The following EPS8L1 variants were observed in gnomAD, a reference collection of about 807,000 sequenced individuals.
EPS8L1 encodes the protein EPS8 signaling adaptor L1, also known as epidermal growth factor receptor kinase substrate 8-like protein 1.
EPS8L1 carries 101 observed loss-of-function variants against 91.7 expected under a neutral mutation model. The observed-to-expected ratio is 1.10, with a 90% CI of 0.94 to 1.30. The LOEUF (loss-of-function observed/expected upper bound fraction) is 1.30. EPS8L1 is among the 50% of genes most tolerant of loss of function. The pLI is 0.00. For missense variants in EPS8L1, 1,114 were observed against 1,017.0 expected, an observed-to-expected ratio of 1.10 and a Z score of -1.30; for synonymous variants, 506 against 445.3, an observed-to-expected ratio of 1.14 and a Z score of -1.72.
chr19:55,079,646 G>A (rs748960912), intron 4 of EPS8L1, 44 bp from the exon 5 acceptor site: 3 of 1,590,500 alleles, frequency 1.9e-6, no homozygotes, highest in Non-Finnish European at 2.6e-6. Context: ...GAGCCCACCT[G>A]GCATCATCTT....
Position 55,083,942 on chromosome 19 carries a change from A to G in EPS8L1, c.1385+298A>G. On this transcript the variant is annotated intron_variant, in intron 14 of 19. Transcript: ENST00000201647. The surrounding 1 kb of genome is among the most constrained non-coding windows in gnomAD (Gnocchi z 4.7). The stretch of plus-strand genomic sequence containing the variant: ...AAAGTCTGAGAGGTTGGATCCCTGG[A>G]TCCCCAAAAGGCTGGAAGAAGCCAG... The G allele has an allele frequency of 1.7e-6, 1 of 599,832 alleles. No homozygotes were observed. Among genetic ancestry groups the G allele is most frequent in the South Asian group, 2.0e-5 (1 of 50,564 alleles). 37.2% of individuals were successfully genotyped at this position (599,832 alleles called of 1,614,324 possible). A position where few individuals can be genotyped will look rare whatever the true frequency, so the allele number is the denominator to read the frequency against.
chr19:55,087,087 T>A, intron 18 of EPS8L1, 199 bp downstream of exon 18: 1 of 1,052,064 alleles, frequency 9.5e-7, no homozygotes, highest in East Asian at 2.7e-5. Context: ...ACTGGATTCC[T>A]TAGGGAAATC....
At chr19:55,080,691 C>A in intron 6 of EPS8L1, 81 bp from the exon 7 acceptor site, 1 of 1,572,780 alleles carries the variant, frequency 6.4e-7, no homozygotes, top group Admixed American at 1.9e-5. Context: ...TGGGACTGAG[C>A]TGAAAAATCG....
intron 12 of EPS8L1, among the ~76,000 whole-genome samples, chr19:55,082,856 T>C (rs1376555951): frequency 1.3e-4 from 13 of 101,608 alleles, no homozygotes; most frequent in Non-Finnish European, 2.2e-4. Flanking sequence ...CTTAAAGGAA[T>C]AGAGGGGCTA....
Position 55,081,817 on chromosome 19 carries a change from G to T in EPS8L1, c.819G>T (p.Ser273=). ...HVFDDVESFV[S]RLQKSAEAAR... ...TCGACGACGTAGAGAGCTTTGTATC[G>T]AGGCTGCAGAAGTCGGCGGAGGCGG... The change falls in exon 9 of 20, where the codon TCG becomes TCT. Residue 273 remains serine, a synonymous_variant. Coordinates refer to ENST00000201647, the MANE Select transcript of EPS8L1 (RefSeq NM_133180.3). The surrounding 1 kb of genome is among the most constrained non-coding windows in gnomAD (Gnocchi z 4.9). 2 of 1,612,784 alleles carry T rather than the reference G, an allele frequency of 1.2e-6. No individual in the cohort carries two copies. Among genetic ancestry groups the T allele is most frequent in the Non-Finnish European group, 1.7e-6 (2 of 1,179,098 alleles).
In EPS8L1 at chr19:55,087,580, A is replaced by C; in HGVS notation, c.2138A>C (p.Lys713Thr). The change falls in exon 20 of 20, where the codon AAG becomes ACG. Residue 713 changes from lysine to threonine, a missense_variant. By Grantham distance (78) the Lys-to-Thr change is moderately conservative. Transcript: ENST00000201647. Reference sequence around the variant, plus strand: ...GCAGTGATGGAGAAGCAAAAGAAGAAGGTGGAAGGCGAGGTGGAAATGGAG... The same window carrying C: ...GCAGTGATGGAGAAGCAAAAGAAGACGGTGGAAGGCGAGGTGGAAATGGAG... ...LEAVMEKQKK[K>T]VEGEVEMEVI 1 of 1,614,180 alleles carries C rather than the reference A, an allele frequency of 6.2e-7. No individual in the cohort carries two copies. The highest frequency in any genetic ancestry group is 8.5e-7 in the Non-Finnish European group (1 of 1,180,022).
At chr19:55,080,034 TGAG>T in intron 5 of EPS8L1, 92 bp from the exon 6 acceptor site, 6 of 1,447,128 alleles carry the variant, frequency 4.1e-6, no homozygotes, top group Non-Finnish European at 5.5e-6. Context: ...CCTAACCGCC[TGAG>T]GTTGCCCTGA....
At chr19:55,080,672 C>T in intron 6 of EPS8L1, 100 bp from the exon 7 acceptor site, 1 of 1,564,940 alleles carries the variant, frequency 6.4e-7, no homozygotes, top group Non-Finnish European at 8.7e-7. Flanking sequence ...ACGGTAGCCG[C>T]ACGTGGGCTG....
At position 55,080,233 on chromosome 19, in the gene EPS8L1, G is replaced by A. The variant is rs1037620069; in HGVS notation, c.384G>A (p.Glu128=). Residue 128 remains glutamate (E), a synonymous_variant, in exon 6 of 20, where the codon GAG becomes GAA. Transcript: ENST00000201647. ...TGCTGCTCGTGTGCCAGGAACCCGA[G>A]CGCGCGCAGCCCGACGTGCACTTCT... ...SLLLLVCQEP[E]RAQPDVHFFQ... 18 of 1,537,244 alleles carry A rather than the reference G, an allele frequency of 1.2e-5. No homozygotes were observed. Among genetic ancestry groups the A allele is most frequent in the Non-Finnish European group, 1.5e-5 (17 of 1,137,202 alleles).
rs202158022 is a variant in EPS8L1, at chr19:55,081,435, C to T, written c.717C>T (p.Ser239=). 3 of 1,602,458 alleles carry T rather than the reference C, an allele frequency of 1.9e-6. No individual in the cohort carries two copies. The highest frequency in any genetic ancestry group is 1.1e-5 in the South Asian group (1 of 89,612). Residue 239 remains serine (S), a synonymous_variant, in exon 8 of 20, where the codon TCC becomes TCT. Transcript: ENST00000201647. This position sits in a 1 kb window ranked among gnomAD's most constrained non-coding sequence, Gnocchi z 4.9. ...CCTCGAGCAACGCTGACTCGGCCTC[C>T]CCGGACCTGGGTCCCCGGGGTCCTG... ...VGTSSNADSA[S]PDLGPRGPDL... is the part of the protein sequence containing the mutation.
At chr19:55,080,365 G>A (rs1225148824) in intron 6 of EPS8L1, 87 bp downstream of exon 6, 3 of 1,549,014 alleles carry the variant, frequency 1.9e-6, no homozygotes, top group Non-Finnish European at 2.6e-6. Context: ...CTCTAGGTGG[G>A]GCGGGGCCTG....
At chr19:55,080,025 C>A (rs979027841) in intron 5 of EPS8L1, 104 bp from the exon 6 acceptor site, 18 of 1,444,976 alleles carry the variant, frequency 1.2e-5, no homozygotes, top group Non-Finnish European at 1.5e-5. Flanking sequence ...CCCTAACCCC[C>A]TAACCGCCTG....
chr19:55,080,611 A>AGGGCGAGGGGTGAGTTCG, intron 6 of EPS8L1, 161 bp from the exon 7 acceptor site: 1 of 1,587,106 alleles, frequency 6.3e-7, no homozygotes, highest in Non-Finnish European at 8.6e-7. Flanking sequence ...GGACAGGTGT[A>AGGGCGAGGGGTGAGTTCG]GGGCGAGGGG....
chr19:55,083,485 A>G lies in EPS8L1; in HGVS notation c.1322A>G (p.Glu441Gly). The change falls in exon 13 of 20, where the codon GAG becomes GGG. Residue 441 changes from glutamate to glycine, a missense_variant. Physicochemically the swap from Glu to Gly is moderately conservative, Grantham distance 98 (BLOSUM62 -2). Coordinates refer to ENST00000201647, the MANE Select transcript of EPS8L1 (RefSeq NM_133180.3). This position sits in a 1 kb window ranked among gnomAD's most constrained non-coding sequence, Gnocchi z 4.7. ...AGCCGCGCCTGGGAGGACCCAGTTG[A>G]GAAACAGCTACAGCACGAGCGGAGG... ...PQSRAWEDPV[E>G]KQLQHERRRR... 6.2e-7 allele frequency: 1 copy of G among 1,612,298 alleles called. No homozygotes were observed. Among genetic ancestry groups the G allele is most frequent in the African/African-American group, 1.3e-5 (1 of 75,028 alleles).
intron 10 of EPS8L1, 41 bp downstream of exon 10, chr19:55,082,221 C>CT (rs1273721580): frequency 1.3e-6 from 2 of 1,593,520 alleles, no homozygotes; most frequent in African/African-American, 2.7e-5. Flanking sequence ...GCGGGCACGA[C>CT]GAACCTGTCC....
In EPS8L1 at chr19:55,081,769, C is replaced by T. The variant is rs944174985; in HGVS notation, c.775-4C>T. On this transcript the variant is annotated splice_polypyrimidine_tract_variant and splice_region_variant and intron_variant, in intron 8 of 19. Coordinates refer to ENST00000201647, the MANE Select transcript of EPS8L1 (RefSeq NM_133180.3). This position sits in a 1 kb window ranked among gnomAD's most constrained non-coding sequence, Gnocchi z 4.9. ...CCTGAGCGTCCCCCTCCTCTGTCCCCTAGGACATCCTGAACCACGTGTTCG... is the reference window on the plus strand; with the variant it reads ...CCTGAGCGTCCCCCTCCTCTGTCCCTTAGGACATCCTGAACCACGTGTTCG... 1 of 1,608,392 alleles carries T rather than the reference C, an allele frequency of 6.2e-7. No homozygotes were observed. Among genetic ancestry groups the T allele is most frequent in the Non-Finnish European group, 8.5e-7 (1 of 1,176,294 alleles).
At chr19:55,079,636 G>C in intron 4 of EPS8L1, 54 bp from the exon 5 acceptor site, 2 of 1,576,102 alleles carry the variant, frequency 1.3e-6, no homozygotes, top group Non-Finnish European at 8.6e-7. Flanking sequence ...GGGGGATTCT[G>C]AGCCCACCTG....
At chr19:55,087,467 T>C (rs753219368) in intron 19 of EPS8L1, 32 bp downstream of exon 19, 33 of 1,613,640 alleles carry the variant, frequency 2.0e-5, no homozygotes, top group Admixed American at 5.0e-5. Context: ...TGGGTCTGGG[T>C]AGGGTTGGGA....
intron 1 of EPS8L1, among the ~76,000 whole-genome samples, 179 bp downstream of exon 1, chr19:55,076,098 TGAGGG>T (rs2076120900): frequency 8.1e-6 from 1 of 123,592 alleles, no homozygotes; most frequent in Non-Finnish European, 1.8e-5. Context: ...GAGGAGGGGC[TGAGGG>T]CCTGGACTCC....
Sources: allele counts gnomAD v4.1 joint callset (sites outside exome capture counted in the v4.1 genomes callset), GRCh38; gene constraint gnomAD v4.1.1; non-coding constraint Gnocchi (gnomAD v3.1); transcripts MANE v1.5; gene names NCBI Gene and HGNC (gene_info 2026-07-23, HGNC 2026-07-21).